NAA11: variants seen among roughly 807,000 people sequenced by gnomAD.
NAA11 encodes the protein N-alpha-acetyltransferase 11, NatA catalytic subunit, also known as N-alpha-acetyltransferase 11.
In NAA11, 15 loss-of-function variants were observed where a neutral mutation model predicts 16.1. The ratio of observed to expected loss-of-function variants is 0.93; its 90% confidence interval spans 0.62 to 1.44. NAA11 has a LOEUF of 1.44. Ranked by LOEUF, NAA11 falls within the 40% of genes most tolerant of loss-of-function variation. NAA11 has a pLI of 0.00. For missense variants in NAA11, 298 were observed against 291.3 expected (o/e 1.02, Z -0.17); for synonymous variants, 122 against 112.4 (o/e 1.09, Z -0.54).
chr4:79,204,350 A>C, the NAA11 span, among the ~76,000 whole-genome samples: 1 of 151,900 alleles, frequency 6.6e-6, no homozygotes, highest in African/African-American at 2.4e-5. Context: ...ATTTCTTGTC[A>C]GGACAAGATA....
intron 1 of NAA11, among the ~76,000 whole-genome samples, chr4:79,301,264 C>A (rs1723373248): frequency 6.6e-6 from 1 of 152,168 alleles, no homozygotes; most frequent in South Asian, 2.1e-4. Flanking sequence ...ATCCTCCCCT[C>A]CAAGTTTATT....
chr4:79,167,254 C>CATATATAT, the NAA11 span, among the ~76,000 whole-genome samples: 23 of 112,878 alleles, frequency 2.0e-4, no homozygotes, highest in African/African-American at 6.1e-4. Flanking sequence ...CACACACCCA[C>CATATATAT]ATATATATAT....
At chr4:79,223,586 G>A (rs1478238547), downstream of NAA11, among the ~76,000 whole-genome samples, 1 of 149,560 alleles carries the variant, frequency 6.7e-6, no homozygotes, top group Non-Finnish European at 1.5e-5. Flanking sequence ...CATGGCACAT[G>A]TATACATATG....
At chr4:79,292,286 T>C (rs954418767) in intron 2 of NAA11, among the ~76,000 whole-genome samples, 4 of 152,214 alleles carry the variant, frequency 2.6e-5, no homozygotes, top group African/African-American at 9.6e-5. Context: ...GTATGAATGA[T>C]GATTCATACT....
the NAA11 span, among the ~76,000 whole-genome samples, chr4:79,183,198 C>T: frequency 6.6e-6 from 1 of 152,038 alleles, no homozygotes; most frequent in African/African-American, 2.4e-5. Context: ...TGGGAGGTTA[C>T]TAGGATGAAT....
At chr4:79,217,490 A>G in the NAA11 span, among the ~76,000 whole-genome samples, 1 of 152,194 alleles carries the variant, frequency 6.6e-6, no homozygotes, top group African/African-American at 2.4e-5. Flanking sequence ...TATGAACAAA[A>G]AATCAAGGTT....
intron 2 of NAA11, among the ~76,000 whole-genome samples, chr4:79,236,932 A>G (rs1721583838): frequency 6.6e-6 from 1 of 152,142 alleles, no homozygotes; most frequent in Non-Finnish European, 1.5e-5. Flanking sequence ...AAGATGGGAA[A>G]ACTGCCTTCT....
At chr4:79,212,809 G>T in the NAA11 span, among the ~76,000 whole-genome samples, 1 of 150,908 alleles carries the variant, frequency 6.6e-6, no homozygotes, top group Non-Finnish European at 1.5e-5. Flanking sequence ...TATATATAAA[G>T]ACAGTATATA....
At chr4:79,255,871 A>G (rs1041435468) in intron 2 of NAA11, among the ~76,000 whole-genome samples, 1 of 152,214 alleles carries the variant, frequency 6.6e-6, no homozygotes, top group Non-Finnish European at 1.5e-5. Context: ...AATGGCATGC[A>G]GATTAAAAGG....
At chr4:79,270,112 T>C (rs1434106522) in intron 2 of NAA11, among the ~76,000 whole-genome samples, 1 of 150,900 alleles carries the variant, frequency 6.6e-6, no homozygotes, top group Non-Finnish European at 1.5e-5. Context: ...TGTAGCCTTG[T>C]AGTAAAGTTT....
intron 2 of NAA11, among the ~76,000 whole-genome samples, chr4:79,271,723 T>C (rs936817122): frequency 3.9e-5 from 6 of 152,060 alleles, no homozygotes; most frequent in African/African-American, 7.2e-5. Flanking sequence ...AAATGTTGAA[T>C]TTCTTACTAA....
chr4:79,265,789 A>AT (rs923992580), intron 2 of NAA11, among the ~76,000 whole-genome samples: 5 of 151,698 alleles, frequency 3.3e-5, no homozygotes, highest in Admixed American at 2.0e-4. Flanking sequence ...GGTGGTTTAA[A>AT]TTTTTTTGTA....
chr4:79,194,103 C>A, the NAA11 span, among the ~76,000 whole-genome samples: 6 of 152,112 alleles, frequency 3.9e-5, no homozygotes, highest in African/African-American at 1.4e-4. Context: ...AGTTGCCTAT[C>A]AGCTTAAGGA....
the NAA11 span, among the ~76,000 whole-genome samples, chr4:79,212,678 C>A: frequency 3.9e-5 from 6 of 152,050 alleles, no homozygotes; most frequent in African/African-American, 1.4e-4. Context: ...AGAGAGAATT[C>A]ATAGTCACGT....
intron 2 of NAA11, among the ~76,000 whole-genome samples, chr4:79,229,459 A>G (rs1483692731): frequency 1.3e-5 from 2 of 151,952 alleles, no homozygotes; most frequent in Non-Finnish European, 2.9e-5. Context: ...TAGATGAGAA[A>G]ATTAGTTTCA....
the NAA11 span, among the ~76,000 whole-genome samples, chr4:79,208,450 T>C: frequency 6.6e-6 from 1 of 152,280 alleles, no homozygotes; most frequent in South Asian, 2.1e-4. Context: ...AATACAGATA[T>C]TTTGCATTTC....
chr4:79,163,027 A>G, the NAA11 span, among the ~76,000 whole-genome samples: 1 of 152,248 alleles, frequency 6.6e-6, no homozygotes, highest in South Asian at 2.1e-4. Flanking sequence ...AACATTATTT[A>G]GAGTAATGCA....
chr4:79,167,209 ATACATATATACACATATATG>A, the NAA11 span, among the ~76,000 whole-genome samples: 1 of 116,702 alleles, frequency 8.6e-6, no homozygotes, highest in Non-Finnish European at 1.7e-5. Flanking sequence ...ATACATATAT[ATACATATATACACATATATG>A]TATGTATACA....
chr4:79,168,549 T>A, the NAA11 span, among the ~76,000 whole-genome samples: 1 of 152,210 alleles, frequency 6.6e-6, no homozygotes, highest in Non-Finnish European at 1.5e-5. Context: ...CCTGACTTTT[T>A]AATGATTACT....
Sources: gnomAD v4.1 joint callset for allele counts (sites outside exome capture counted in the v4.1 genomes callset) on GRCh38, gnomAD v4.1.1 for gene constraint, MANE v1.5 for transcripts, NCBI Gene and HGNC (gene_info 2026-07-23, HGNC 2026-07-21) for gene names.